Variants in CRACD observed in about 807,000 individuals in gnomAD.
The protein encoded by CRACD is capping protein inhibiting regulator of actin dynamics, also known as capping protein-inhibiting regulator of actin dynamics.
In CRACD, 56 loss-of-function variants were observed where a neutral mutation model predicts 106.8. That is an observed-to-expected ratio of 0.52 (90% CI 0.42 to 0.66). The LOEUF (loss-of-function observed/expected upper bound fraction) is 0.66. Among genes scored for constraint, CRACD ranks in the 30% least tolerant of loss-of-function variants. CRACD has a pLI of 0.00. For missense variants in CRACD, 1,730 were observed against 1,623.2 expected, an observed-to-expected ratio of 1.07 and a Z score of -1.13; for synonymous variants, 754 against 670.8, an observed-to-expected ratio of 1.12 and a Z score of -1.92.
chr4:56,151,184 A>G (rs1735569115), intron 1 of CRACD, among the ~76,000 whole-genome samples: 1 of 151,974 alleles, frequency 6.6e-6, no homozygotes, highest in South Asian at 2.1e-4. Context: ...TTTTGTAGAG[A>G]CGGGGTTTTG....
chr4:56,115,312 G>C (rs1379624406), intron 1 of CRACD, among the ~76,000 whole-genome samples: 1 of 152,098 alleles, frequency 6.6e-6, no homozygotes, highest in Non-Finnish European at 1.5e-5. Context: ...TTTTAAAAAT[G>C]ACTGCATTTT....
At position 56,316,193 on chromosome 4, in the gene CRACD, T is replaced by G; in HGVS notation, c.2691T>G (p.Gly897=). 1 of 1,613,688 alleles carries G rather than the reference T, an allele frequency of 6.2e-7. No individual in the cohort carries two copies. The highest frequency in any genetic ancestry group is 1.3e-5 in the African/African-American group (1 of 74,860). Residue 897 remains glycine, a synonymous_variant, in exon 8 of 11, where the codon GGT becomes GGG. Transcript: ENST00000682029. The stretch of plus-strand genomic sequence containing the variant: ...CTCGTGGAGAGAAAGAGATGGAGGG[T>G]GTGGCCCTCAAGCATGGTCCATCCC... ...GSARGEKEME[G]VALKHGPSLP... is the part of the protein sequence containing the mutation.
chr4:56,315,751 T>C lies in CRACD; in HGVS notation c.2249T>C (p.Met750Thr). 4 of 1,614,176 alleles carry C rather than the reference T, an allele frequency of 2.5e-6. No individual in the cohort carries two copies. Among genetic ancestry groups the C allele is most frequent in the Non-Finnish European group, 3.4e-6 (4 of 1,180,026 alleles). ...GCTGAAAGCATACGAAAAAGACCCA[T>C]GCTGGGACCCAGCGAAGAGACAGCC... The part of the protein sequence containing the change: ...TEAESIRKRP[M>T]LGPSEETAPQ... The change falls in exon 8 of 11, where the codon ATG (methionine) becomes ACG (threonine). Residue 750 changes from methionine (M) to threonine (T), a missense_variant. Around this residue, in one of 5 missense-constraint regions of CRACD, gnomAD observed 1,620 missense variants for 1,481.6 expected, o/e 1.09. Transcript: ENST00000682029. This position sits in a 1 kb window ranked among gnomAD's most constrained non-coding sequence, Gnocchi z 4.1.
intron 1 of CRACD, among the ~76,000 whole-genome samples, chr4:56,098,977 C>A (rs191563835): frequency 6.6e-6 from 1 of 152,154 alleles, no homozygotes; most frequent in African/African-American, 2.4e-5. Flanking sequence ...TGGTGCCCAG[C>A]CCGGGATCTA....
chr4:56,139,012 C>T (rs1560461841), intron 1 of CRACD, among the ~76,000 whole-genome samples: 1 of 152,062 alleles, frequency 6.6e-6, no homozygotes, highest in Non-Finnish European at 1.5e-5. Context: ...TATGAAAGGC[C>T]TACTGATGAC....
At chr4:56,300,273 A>G (rs1206530024) in intron 4 of CRACD, among the ~76,000 whole-genome samples, 1 of 152,244 alleles carries the variant, frequency 6.6e-6, no homozygotes, top group Non-Finnish European at 1.5e-5. Flanking sequence ...TGTGGCAGAC[A>G]GGGAAGTAGC....
At chr4:56,122,177 C>G (rs1437463262) in intron 1 of CRACD, among the ~76,000 whole-genome samples, 1 of 149,282 alleles carries the variant, frequency 6.7e-6, no homozygotes, top group African/African-American at 2.5e-5. Flanking sequence ...TAGTGAGATT[C>G]CATCTCTTTA....
chr4:56,138,078 A>C (rs76783555), intron 1 of CRACD, among the ~76,000 whole-genome samples: 17 of 141,478 alleles, frequency 1.2e-4, no homozygotes, highest in Non-Finnish European at 1.4e-4. Context: ...CAACCCCCCC[A>C]CCCACTCTCC....
intron 1 of CRACD, among the ~76,000 whole-genome samples, chr4:56,159,076 C>A (rs770851718): frequency 6.6e-6 from 1 of 152,126 alleles, no homozygotes; most frequent in Non-Finnish European, 1.5e-5. Context: ...AGTGTTGTGA[C>A]GACGTCTCAC....
chr4:56,082,010 T>C (rs1733050508), intron 1 of CRACD, among the ~76,000 whole-genome samples: 1 of 152,082 alleles, frequency 6.6e-6, no homozygotes, highest in Non-Finnish European at 1.5e-5. Context: ...TTCAAGGTGC[T>C]TACATTCTTT....
chr4:56,102,666 A>G (rs1733818520), intron 1 of CRACD, among the ~76,000 whole-genome samples: 1 of 152,154 alleles, frequency 6.6e-6, no homozygotes, highest in African/African-American at 2.4e-5. Context: ...AACCCACATC[A>G]TCACCTCCTT....
At chr4:56,089,765 G>T (rs1362661338) in intron 1 of CRACD, among the ~76,000 whole-genome samples, 4 of 151,914 alleles carry the variant, frequency 2.6e-5, no homozygotes, top group African/African-American at 9.7e-5. Flanking sequence ...CACCTGCCTT[G>T]TTCTCCCAAA....
intron 1 of CRACD, among the ~76,000 whole-genome samples, chr4:56,123,998 C>T (rs1807913): frequency 0.19 from 28,606 of 151,794 alleles, 2,933 homozygotes; most frequent in East Asian, 0.33. Flanking sequence ...AGTGCAATGG[C>T]GTGATCTTGG....
intron 2 of CRACD, among the ~76,000 whole-genome samples, chr4:56,234,444 A>G (rs529351213): frequency 1.3e-5 from 2 of 152,176 alleles, no homozygotes; most frequent in Non-Finnish European, 2.9e-5. Context: ...CATTGTGTGG[A>G]TCTATATAAC....
intron 1 of CRACD, among the ~76,000 whole-genome samples, chr4:56,107,259 G>A (rs896416175): frequency 1.3e-5 from 2 of 152,146 alleles, no homozygotes; most frequent in Non-Finnish European, 2.9e-5. Context: ...GGGATTACAG[G>A]TGTGAGCCAC....
At chr4:56,270,445 C>T (rs555167584) in intron 2 of CRACD, among the ~76,000 whole-genome samples, 3 of 152,302 alleles carry the variant, frequency 2.0e-5, no homozygotes, top group African/African-American at 4.8e-5. Context: ...TCACTGACCT[C>T]ATTTGTGTGC....
At chr4:56,293,311 G>C (rs1743803355) in intron 3 of CRACD, among the ~76,000 whole-genome samples, 1 of 152,174 alleles carries the variant, frequency 6.6e-6, no homozygotes, top group South Asian at 2.1e-4. Context: ...ATTTTCCAAA[G>C]CTGATGAAAG....
chr4:56,275,310 C>A (rs953066904), intron 3 of CRACD, among the ~76,000 whole-genome samples: 1 of 152,072 alleles, frequency 6.6e-6, no homozygotes, highest in African/African-American at 2.4e-5. Flanking sequence ...AGAAACACAG[C>A]AAGGTGTGGC....
chr4:56,188,616 G>T (rs1423617611), intron 2 of CRACD, among the ~76,000 whole-genome samples: 1 of 118,562 alleles, frequency 8.4e-6, no homozygotes, highest in African/African-American at 3.4e-5. Flanking sequence ...ATTTGTATCT[G>T]TCTAGCCTCT....
Sources: allele counts gnomAD v4.1 joint callset (sites outside exome capture counted in the v4.1 genomes callset), GRCh38; gene constraint gnomAD v4.1.1; regional missense constraint gnomAD v4.1.1; non-coding constraint Gnocchi (gnomAD v3.1); transcripts MANE v1.5; gene names NCBI Gene and HGNC (gene_info 2026-07-23, HGNC 2026-07-21).